Variants in MAPK6 observed in about 807,000 individuals in gnomAD.
The protein encoded by MAPK6 is mitogen-activated protein kinase 6.
MAPK6 carries 19 observed loss-of-function variants against 59.3 expected under a neutral mutation model. The observed-to-expected ratio is 0.32, with a 90% CI of 0.22 to 0.47. The LOEUF (loss-of-function observed/expected upper bound fraction) is 0.47, where lower values mean the gene tolerates loss of function less well. Ranked by LOEUF, MAPK6 falls within the 20% of genes least tolerant of loss-of-function variation. The pLI, the probability that MAPK6 is intolerant of heterozygous loss-of-function variation, is 1.00. For missense variants in MAPK6, 724 were observed against 847.9 expected (o/e 0.85, Z 1.81); for synonymous variants, 316 against 290.3 (o/e 1.09, Z -0.90).
intron 1 of MAPK6, among the ~76,000 whole-genome samples, chr15:51,979,019 G>A (rs2057165164): frequency 6.6e-6 from 1 of 151,082 alleles, no homozygotes; most frequent in East Asian, 1.9e-4. Flanking sequence ...GCTGAGGCAT[G>A]AGGATCATTT....
At chr15:52,054,823 T>A (rs1034323615) in intron 3 of MAPK6, among the ~76,000 whole-genome samples, 1 of 152,102 alleles carries the variant, frequency 6.6e-6, no homozygotes, top group Non-Finnish European at 1.5e-5. Flanking sequence ...TTCCTCTTGT[T>A]GCCTAGCCAA....
chr15:52,016,070 G>GCGCGCGCA, upstream of MAPK6, among the ~76,000 whole-genome samples: 543 of 55,398 alleles, frequency 9.8e-3, 7 homozygotes, highest in South Asian at 0.016. Flanking sequence ...GCGCGCGCGC[G>GCGCGCGCA]CACACACACA....
chr15:51,990,242 G>GA (rs936039231), intron 2 of MAPK6, among the ~76,000 whole-genome samples: 6 of 152,086 alleles, frequency 3.9e-5, no homozygotes, highest in Admixed American at 2.6e-4. Flanking sequence ...AGTTAATAGG[G>GA]AAAAAAATAC....
chr15:51,971,912 C>CA, intron 1 of MAPK6: 1 of 687,924 alleles, frequency 1.5e-6, no homozygotes, highest in East Asian at 2.7e-5. Flanking sequence ...CCTGGGTATG[C>CA]ATGGTATATA....
At chr15:51,979,498 A>T (rs957448022) in intron 1 of MAPK6, among the ~76,000 whole-genome samples, 2 of 151,880 alleles carry the variant, frequency 1.3e-5, no homozygotes, top group Non-Finnish European at 2.9e-5. Context: ...GCTACCATTA[A>T]AATTTAAATA....
intron 2 of MAPK6, among the ~76,000 whole-genome samples, chr15:51,989,688 G>A (rs2057202135): frequency 1.3e-5 from 2 of 151,878 alleles, no homozygotes; most frequent in Admixed American, 6.6e-5. Context: ...TAACCTCAAC[G>A]CCCTGGGCTC....
At chr15:52,054,286 T>G (rs890453648) in intron 3 of MAPK6, among the ~76,000 whole-genome samples, 1 of 145,052 alleles carries the variant, frequency 6.9e-6, no homozygotes, top group Non-Finnish European at 1.5e-5. Flanking sequence ...GAGAATTGCT[T>G]GAACCTGGGA....
At chr15:51,975,551 T>G (rs533855327) in intron 1 of MAPK6, among the ~76,000 whole-genome samples, 1 of 151,440 alleles carries the variant, frequency 6.6e-6, no homozygotes, top group African/African-American at 2.4e-5. Context: ...AAAAAAAAAG[T>G]ATAAAATATA....
intron 1 of MAPK6, chr15:52,034,167 TAG>T (rs2031150972): frequency 6.6e-6 from 1 of 151,998 alleles, no homozygotes; most frequent in Non-Finnish European, 1.5e-5. Flanking sequence ...GTATTTTTGG[TAG>T]AGACAGAGTT....
At position 52,061,291 on chromosome 15, in the gene MAPK6, C is replaced by T; in HGVS notation, c.866-8C>T. ...TTTTCTGAAAAACTTTTACCTTTTC[C>T]TCTGCAGCACTGGATTTCCTGGAAC... is the stretch of plus-strand genomic sequence containing the variant. On this transcript the variant is annotated splice_polypyrimidine_tract_variant and splice_region_variant and intron_variant, in intron 4 of 5. Coordinates refer to ENST00000261845, the MANE Select transcript of MAPK6 (RefSeq NM_002748.4). The T allele has an allele frequency of 6.2e-7, 1 of 1,610,888 alleles. No homozygotes were observed. Among genetic ancestry groups the T allele is most frequent in the Non-Finnish European group, 8.5e-7 (1 of 1,177,936 alleles).
rs35286366 is a variant in MAPK6, at chr15:52,027,749, C to CTTTATTTATTTATTTA, written c.-632+8390_-632+8405dup. On this transcript the variant is annotated intron_variant, in intron 1 of 5. Transcript: ENST00000261845. ...CACTCTGCTCAGCCTGTTGATTTCTCTTTATTTATTTATTTATTTATTTAT... is the reference window on the plus strand; with the variant it reads ...CACTCTGCTCAGCCTGTTGATTTCTCTTTATTTATTTATTTATTTATTTATTTATTTATTTATTTAT... The CTTTATTTATTTATTTA allele has an allele frequency of 2.7e-5, 4 of 146,516 alleles. No individual in the cohort carries two copies. The East Asian group carries it at 6.2e-4, about 23-fold the overall frequency. 9.1% of individuals were successfully genotyped at this position (146,516 alleles called of 1,614,324 possible).
At chr15:52,013,102 G>A (rs1384018725) in intron 3 of MAPK6, among the ~76,000 whole-genome samples, 1 of 128,882 alleles carries the variant, frequency 7.8e-6, no homozygotes, top group African/African-American at 2.9e-5. Context: ...TGCTTTTCTA[G>A]AGAACTCTCT....
chr15:52,056,690 T>C, intron 3 of MAPK6: 1 of 152,282 alleles, frequency 6.6e-6, no homozygotes, highest in Admixed American at 6.5e-5. Context: ...CCCTGGCCTC[T>C]TTCCAGTCAC....
At chr15:52,020,199 C>T (rs1013720619) in intron 1 of MAPK6, among the ~76,000 whole-genome samples, 9 of 152,292 alleles carry the variant, frequency 5.9e-5, no homozygotes, top group African/African-American at 2.2e-4. Flanking sequence ...CATTTTAGTC[C>T]GCCTTGTGAG....
intron 2 of MAPK6, among the ~76,000 whole-genome samples, chr15:51,990,071 C>G (rs997805076): frequency 6.6e-6 from 1 of 152,198 alleles, no homozygotes; most frequent in Non-Finnish European, 1.5e-5. Context: ...ACAGCCTGAA[C>G]AAGTGAAGCA....
intron 3 of MAPK6, among the ~76,000 whole-genome samples, chr15:52,053,095 C>CAG (rs1213198086): frequency 7.2e-5 from 9 of 124,338 alleles, no homozygotes; most frequent in Admixed American, 5.5e-4. Context: ...TTTTTTGAGA[C>CAG]AGAGTCTTGC....
intron 2 of MAPK6, among the ~76,000 whole-genome samples, chr15:51,993,674 A>G (rs1289792289): frequency 6.6e-6 from 1 of 152,218 alleles, no homozygotes; most frequent in Non-Finnish European, 1.5e-5. Context: ...ATGTACACAC[A>G]TACATATATT....
chr15:52,042,736 C>T (rs2031464231), intron 1 of MAPK6: 1 of 152,150 alleles, frequency 6.6e-6, no homozygotes, highest in Non-Finnish European at 1.5e-5. Flanking sequence ...TTACTGTTCT[C>T]ATTTCATTTG....
In MAPK6 at chr15:52,065,163, G is replaced by C. The variant is rs1281511843; in HGVS notation, c.*163G>C. 1 of 616,302 alleles carries C rather than the reference G, an allele frequency of 1.6e-6. No homozygotes were observed. Among genetic ancestry groups the C allele is most frequent in the Non-Finnish European group, 2.6e-6 (1 of 390,136 alleles). 38.2% of individuals were successfully genotyped at this position (616,302 alleles called of 1,614,324 possible). On this transcript the variant is annotated 3_prime_UTR_variant, in exon 6 of 6. Transcript: ENST00000261845. Reference sequence around the variant, plus strand: ...ATCCAGACTTTCTTTTTCTACATGTGAGATAGTTTTCATTTTAACTGGCAT... The same window carrying C: ...ATCCAGACTTTCTTTTTCTACATGTCAGATAGTTTTCATTTTAACTGGCAT...
Sources: gnomAD v4.1 joint callset for allele counts (sites outside exome capture counted in the v4.1 genomes callset) on GRCh38, gnomAD v4.1.1 for gene constraint, MANE v1.5 for transcripts, NCBI Gene and HGNC (gene_info 2026-07-23, HGNC 2026-07-21) for gene names.